Variants in FAIM observed in about 807,000 individuals in gnomAD.
FAIM encodes the protein Fas apoptotic inhibitory molecule.
Under a neutral mutation model 21.2 loss-of-function variants are expected in FAIM, and 14 were observed. The observed-to-expected ratio is 0.66, with a 90% confidence interval of 0.44 to 1.03. FAIM has a LOEUF of 1.03. FAIM is among the 50% of genes least tolerant of loss of function. The probability of loss-of-function intolerance (pLI) is 0.00; values close to 1 mark genes in which losing one functional copy is unlikely to be tolerated. For synonymous variants in FAIM, 86 were observed against 80.4 expected, an observed-to-expected ratio of 1.07 and a Z score of -0.37; for missense variants, 222 against 247.1, an observed-to-expected ratio of 0.90 and a Z score of 0.68.
At position 138,610,695 on chromosome 3, in the gene FAIM, G is replaced by A. The variant is rs2042758099; in HGVS notation, c.-17+1758G>A. The A allele has an allele frequency of 1.1e-5, 3 of 280,772 alleles. No homozygotes were observed. The East Asian group carries it at 2.7e-4, about 25-fold the overall frequency. 17.4% of individuals were successfully genotyped at this position (280,772 alleles called of 1,614,324 possible). On this transcript the variant is annotated intron_variant, in intron 1 of 5. Transcript: ENST00000360570. ...CCTCCCGGGTTCAAGCGATTCTTGT[G>A]CCTCAGCCTCCGGAGTAGCTGGGAT...
intron 1 of FAIM, among the ~76,000 whole-genome samples, chr3:138,616,299 GT>G (rs1453879356): frequency 6.6e-6 from 1 of 152,176 alleles, no homozygotes; most frequent in African/African-American, 2.4e-5. Context: ...TTTTAAAATG[GT>G]ACAAAATTTG....
At chr3:138,625,756 A>G (rs1333759648) in intron 4 of FAIM, among the ~76,000 whole-genome samples, 1 of 152,204 alleles carries the variant, frequency 6.6e-6, no homozygotes, top group African/African-American at 2.4e-5. Context: ...ATAACAGCCT[A>G]TGGGAAAGGT....
At chr3:138,632,556 G>A (rs1351841382) in intron 5 of FAIM, among the ~76,000 whole-genome samples, 2 of 152,102 alleles carry the variant, frequency 1.3e-5, no homozygotes, top group Non-Finnish European at 2.9e-5. Flanking sequence ...TGGATGCAGT[G>A]GCTCACACCT....
chr3:138,625,033 GC>G (rs2042925395), intron 4 of FAIM, among the ~76,000 whole-genome samples: 1 of 151,982 alleles, frequency 6.6e-6, no homozygotes, highest in South Asian at 2.1e-4. Context: ...AAGTGTAGTG[GC>G]ACATGCCTGT....
Position 138,619,788 on chromosome 3 carries a change from C to T in FAIM, c.44+18C>T. 5 of 1,598,476 alleles carry T rather than the reference C, an allele frequency of 3.1e-6. No homozygotes were observed. The highest frequency in any genetic ancestry group is 2.2e-5 in the East Asian group (1 of 44,710). On this transcript the variant is annotated intron_variant, in intron 2 of 5. Transcript: ENST00000360570. ...GATGAAAGGTAAATGTCTTATATTG[C>T]AGTAAACTAGCCTTTGACATTTTCA...
At chr3:138,613,201 G>T (rs2042789888) in intron 1 of FAIM, among the ~76,000 whole-genome samples, 1 of 151,780 alleles carries the variant, frequency 6.6e-6, no homozygotes, top group South Asian at 2.1e-4. Flanking sequence ...TGTATTTTTA[G>T]TAGAAATGGG....
At chr3:138,628,197 T>C (rs759447223) in intron 4 of FAIM, among the ~76,000 whole-genome samples, 4 of 152,198 alleles carry the variant, frequency 2.6e-5, no homozygotes, top group Non-Finnish European at 4.4e-5. Flanking sequence ...ACCTATTTTT[T>C]ACTTGTAATC....
chr3:138,623,613 C>T lies in FAIM; in HGVS notation c.406+1197C>T, dbSNP rs150070033. Among the ~76,000 whole-genome samples, 395 of 152,330 alleles carry T rather than the reference C, an allele frequency of 2.6e-3. 3 individuals are homozygous for T. Among genetic ancestry groups the T allele is most frequent in the African/African-American group, 9.2e-3 (381 of 41,564 alleles). ...AGAGCTCCTGGGCTCAAGTGATCCTCCTGCCTCAGCCTCCAAAAGTGCTGG... is the reference window on the plus strand; with the variant it reads ...AGAGCTCCTGGGCTCAAGTGATCCTTCTGCCTCAGCCTCCAAAAGTGCTGG... On this transcript the variant is annotated intron_variant, in intron 4 of 5. Coordinates refer to ENST00000360570, the MANE Select transcript of FAIM (RefSeq NM_001033031.2).
intron 5 of FAIM, among the ~76,000 whole-genome samples, chr3:138,631,520 A>G (rs1048086233): frequency 6.6e-6 from 1 of 152,184 alleles, no homozygotes; most frequent in Non-Finnish European, 1.5e-5. Flanking sequence ...TGTGTTTGGA[A>G]ATAGCTCTTT....
rs534617525 is a variant in FAIM at position 138,622,205 on chromosome 3, G to A, written c.195G>A (p.Glu65=). ...TTATGTAGGAAGAGATAAGAAAAGA[G>A]TGGATGTTCAAATTAGTGGGCAAAG... ...YVDGKEEIRK[E]WMFKLVGKET... is the part of the protein sequence containing the mutation. Residue 65 remains glutamate (E), a synonymous_variant, in exon 4 of 6, where the codon GAG becomes GAA. Transcript: ENST00000360570. The A allele has an allele frequency of 5.7e-4, 921 of 1,609,922 alleles. 5 individuals are homozygous for A. In the South Asian group the frequency reaches 9.6e-3, roughly 17 times the overall value.
chr3:138,615,650 A>G (rs1189975388), intron 1 of FAIM, among the ~76,000 whole-genome samples: 2 of 152,116 alleles, frequency 1.3e-5, no homozygotes, highest in African/African-American at 4.8e-5. Flanking sequence ...TAGTGGGCAT[A>G]TTTTTACGTG....
rs930323329 is a variant in FAIM at position 138,632,300 on chromosome 3, C to A, written c.457-630C>A. Among the ~76,000 whole-genome samples, 5 of 151,684 alleles carry A rather than the reference C, an allele frequency of 3.3e-5. No homozygotes were observed. The South Asian group carries it at 1.0e-3, about 32-fold the overall frequency. On this transcript the variant is annotated intron_variant, in intron 5 of 5. Transcript: ENST00000360570. ...AATCAGTATAAAAAGTTATTTTATA[C>A]ATTTTTTTGTTTCATACTAGGTCTT...
At chr3:138,618,797 A>G (rs1369800808) in intron 1 of FAIM, among the ~76,000 whole-genome samples, 2 of 152,254 alleles carry the variant, frequency 1.3e-5, no homozygotes, top group East Asian at 3.8e-4. Context: ...GCACTAATTA[A>G]GGAAAGGGCT....
intron 5 of FAIM, among the ~76,000 whole-genome samples, chr3:138,631,755 C>A (rs781398477): frequency 6.6e-6 from 1 of 152,176 alleles, no homozygotes; most frequent in Non-Finnish European, 1.5e-5. Context: ...TATTACCTAA[C>A]CCTTGCCCTT....
chr3:138,616,363 A>G (rs978889991), intron 1 of FAIM, among the ~76,000 whole-genome samples: 1 of 152,104 alleles, frequency 6.6e-6, no homozygotes, highest in African/African-American at 2.4e-5. Context: ...CCAAAGAATA[A>G]TTTCGTTTGT....
intron 1 of FAIM, 122 bp from the exon 2 acceptor site, chr3:138,619,589 T>G: frequency 1.3e-6 from 1 of 766,196 alleles, no homozygotes; most frequent in Non-Finnish European, 2.2e-6. Flanking sequence ...TGAAACTCCA[T>G]GTAATTTAAT....
intron 1 of FAIM, among the ~76,000 whole-genome samples, chr3:138,614,580 C>T (rs955937418): frequency 1.3e-5 from 2 of 152,172 alleles, no homozygotes; most frequent in Admixed American, 6.6e-5. Flanking sequence ...TGTGAAGGTA[C>T]ATCTCCCCTT....
chr3:138,622,312 TG>T lies in FAIM; in HGVS notation c.304del (p.Glu102LysfsTer55). Reference sequence around the variant, plus strand: ...AGTGGTTTTGCTTATGAATATACTCTGGAAATTAATGGGAAAAGTCTCAAGA... The same window carrying T: ...AGTGGTTTTGCTTATGAATATACTCTGAAATTAATGGGAAAAGTCTCAAGA... Reference protein sequence around the residue: ...AISGFAYEYTLEINGKSLKKY... With the variant: ...AISGFAYEYTXEINGKSLKKY... On this transcript the variant is annotated frameshift_variant, in exon 4 of 6. Coordinates refer to ENST00000360570, the MANE Select transcript of FAIM (RefSeq NM_001033031.2). LOFTEE classifies it high-confidence loss of function. The T allele has an allele frequency of 1.9e-6, 3 of 1,613,988 alleles. No individual in the cohort carries two copies. Among genetic ancestry groups the T allele is most frequent in the Non-Finnish European group, 2.5e-6 (3 of 1,179,974 alleles).
chr3:138,632,197 A>AT (rs1422648413), intron 5 of FAIM, among the ~76,000 whole-genome samples: 1 of 150,990 alleles, frequency 6.6e-6, no homozygotes, highest in Non-Finnish European at 1.5e-5. Flanking sequence ...TCTAGTATCC[A>AT]TATTTGAAAA....
Sources: gnomAD v4.1 joint callset for allele counts (sites outside exome capture counted in the v4.1 genomes callset) on GRCh38, gnomAD v4.1.1 for gene constraint, MANE v1.5 for transcripts, NCBI Gene and HGNC (gene_info 2026-07-23, HGNC 2026-07-21) for gene names.